Variants in ANK1 observed in about 807,000 individuals in gnomAD.
ANK1 encodes the protein ankyrin-1.
A neutral mutation model predicts 210.4 loss-of-function variants in ANK1; 51 were observed. The observed-to-expected ratio is 0.24, with a 90% confidence interval of 0.19 to 0.31. The LOEUF is 0.31. ANK1 is among the 10% of genes least tolerant of loss of function. The probability of loss-of-function intolerance (pLI) is 1.00; values close to 1 mark genes in which losing one functional copy is unlikely to be tolerated. For missense variants in ANK1, 2,051 were observed against 2,504.4 expected, an observed-to-expected ratio of 0.82 and a Z score of 3.86; for synonymous variants, 967 against 1,025.9, an observed-to-expected ratio of 0.94 and a Z score of 1.10.
intron 36 of ANK1, 110 bp from the exon 37 acceptor site, chr8:41,684,800 A>G: frequency 7.2e-7 from 1 of 1,394,354 alleles, no homozygotes; most frequent in Non-Finnish European, 1.0e-6. Context: ...AATTTTTTTC[A>G]GAAGGTGGAG....
intron 1 of ANK1, among the ~76,000 whole-genome samples, chr8:41,808,601 G>T (rs1029019738): frequency 4.6e-5 from 7 of 152,074 alleles, no homozygotes; most frequent in African/African-American, 1.7e-4. Context: ...GGAGGCGGAG[G>T]TTGCAGTGAG....
Position 41,803,060 on chromosome 8 carries a change from A to AGAAAGGAAGG in ANK1, c.127-44924_127-44923insCCTTCCTTTC, listed in dbSNP as rs1850292566. On this transcript the variant is annotated intron_variant, in intron 1 of 42. Transcript: ENST00000265709. Reference sequence around the variant, plus strand: ...AAGAAAGAGAAAGAAAGAAAGAGAGAAAGGAAGGAAGGAAGGAAGGAAGGG... The same window carrying AGAAAGGAAGG: ...AAGAAAGAGAAAGAAAGAAAGAGAGAGAAAGGAAGGAAGGAAGGAAGGAAGGAAGGAAGGG... 6.8e-5 allele frequency among the ~76,000 whole-genome samples: 4 copies of AGAAAGGAAGG among 59,038 alleles called. 1 individual carries two copies. In the East Asian group the frequency reaches 1.1e-3, roughly 16 times the overall value. The allele number at this position is 59,038 out of a possible 152,430, so 38.7% of individuals were successfully genotyped here. A position where few individuals can be genotyped will look rare whatever the true frequency, so the allele number is the denominator to read the frequency against.
At chr8:41,695,063 C>T (rs1206485446) in intron 27 of ANK1, 114 bp downstream of exon 27, 3 of 1,439,382 alleles carry the variant, frequency 2.1e-6, no homozygotes, top group African/African-American at 2.8e-5. Context: ...AGGCCATTCT[C>T]AGCCTCTTGG....
At position 41,661,492 on chromosome 8, in the gene ANK1, C is replaced by A; in HGVS notation, c.5617G>T (p.Ala1873Ser). ...GRKGAQIVKRASLKRGKQ is the reference protein window; with the variant it reads ...GRKGAQIVKRSSLKRGKQ ...CACTGTTTCCCCCTTTTCAGGCTGG[C>A]CCGCTTCACTATCTGCGCCCCCTTC... Residue 1873 changes from alanine to serine, a missense_variant, in exon 42 of 43, where the codon GCC (alanine) becomes TCC (serine). Coordinates refer to ENST00000289734, the MANE Select transcript of ANK1 (RefSeq NM_000037.4). 6.2e-7 allele frequency: 1 copy of A among 1,614,032 alleles called. No individual in the cohort carries two copies.
At chr8:41,845,813 T>C (rs1025671480) in intron 1 of ANK1, among the ~76,000 whole-genome samples, 3 of 152,164 alleles carry the variant, frequency 2.0e-5, no homozygotes, top group African/African-American at 7.2e-5. Flanking sequence ...GCTACTTCCA[T>C]AAACATACCA....
In ANK1 at chr8:41,725,796, G is replaced by C; in HGVS notation, c.577C>G (p.Leu193Val). 1.2e-6 allele frequency: 2 copies of C among 1,611,548 alleles called. No individual in the cohort carries two copies. The highest frequency in any genetic ancestry group is 1.7e-6 in the Non-Finnish European group (2 of 1,179,774). ...ACGTCCGGGTTGGGGTCGTTCTGCA[G>C]CAGCACCGCAGCCGTGCGCGTGTCG... ...NDDTRTAAVL[L>V]QNDPNPDVLS... Residue 193 changes from leucine to valine, a missense_variant, in exon 6 of 43, where the codon CTG (leucine) becomes GTG (valine). By Grantham distance (32) the Leu-to-Val change is conservative. This residue lies in a region of ANK1 where 1,413 missense variants were observed against 1,707.4 expected (regional missense o/e 0.83). Coordinates refer to ENST00000289734, the MANE Select transcript of ANK1 (RefSeq NM_000037.4).
intron 1 of ANK1, among the ~76,000 whole-genome samples, chr8:41,881,810 C>T (rs922854841): frequency 6.6e-6 from 1 of 152,146 alleles, no homozygotes. Context: ...ACCTGTAAAA[C>T]ACCGTTCCCA....
intron 1 of ANK1, among the ~76,000 whole-genome samples, chr8:41,875,668 G>A (rs1446672979): frequency 1.3e-5 from 2 of 152,162 alleles, no homozygotes; most frequent in Non-Finnish European, 2.9e-5. Context: ...GGGTTAGCCG[G>A]TCCCTCTTCC....
chr8:41,688,437 G>T, intron 34 of ANK1, 74 bp downstream of exon 34: 1 of 1,551,288 alleles, frequency 6.4e-7, no homozygotes, highest in Non-Finnish European at 8.9e-7. Context: ...CCCTCACAGG[G>T]CTGCGGGGAG....
At chr8:41,808,213 A>G (rs1298471294) in intron 1 of ANK1, among the ~76,000 whole-genome samples, 1 of 152,186 alleles carries the variant, frequency 6.6e-6, no homozygotes, top group Non-Finnish European at 1.5e-5. Context: ...CAGACCCACC[A>G]TGCAATTTCT....
intron 18 of ANK1, among the ~76,000 whole-genome samples, chr8:41,705,311 G>T (rs377394935): frequency 2.6e-5 from 4 of 152,294 alleles, no homozygotes; most frequent in African/African-American, 9.6e-5. Context: ...CACAGGACAG[G>T]GTCTCTCTGT....
Position 41,692,886 on chromosome 8 carries a change from A to T in ANK1, c.3630-10T>A. On this transcript the variant is annotated splice_polypyrimidine_tract_variant and intron_variant, in intron 30 of 42. Coordinates refer to ENST00000289734, the MANE Select transcript of ANK1 (RefSeq NM_000037.4). Reference sequence around the variant, plus strand: ...GTCCGACAGCCAAAACCTAAAAAGTAGGGCGAGTTATGTGTTCCCAAGTGC... The same window carrying T: ...GTCCGACAGCCAAAACCTAAAAAGTTGGGCGAGTTATGTGTTCCCAAGTGC... 6.2e-7 allele frequency: 1 copy of T among 1,612,368 alleles called. No homozygotes were observed. The highest frequency in any genetic ancestry group is 1.6e-4 in the Middle Eastern group (1 of 6,062).
At chr8:41,746,860 G>C (rs892784775) in intron 2 of ANK1, among the ~76,000 whole-genome samples, 2 of 138,042 alleles carry the variant, frequency 1.4e-5, no homozygotes, top group African/African-American at 5.4e-5. Flanking sequence ...CGAGATCTTG[G>C]TATTCTTTAA....
At chr8:41,831,907 G>A (rs1806735103) in intron 1 of ANK1, among the ~76,000 whole-genome samples, 1 of 152,204 alleles carries the variant, frequency 6.6e-6, no homozygotes, top group African/African-American at 2.4e-5. Context: ...AAAGCATGCT[G>A]CTACACGGAT....
rs139296654 is a variant in ANK1 at position 41,880,691 on chromosome 8, G to A, written c.126+15664C>T. ...AGAGCACTAATTAGGGCACTGGGAC[G>A]AGGAGCAGTTTGGAATAATCTATCC... On this transcript the variant is annotated intron_variant, in intron 1 of 42. Transcript: ENST00000265709. 2.0e-5 allele frequency among the ~76,000 whole-genome samples: 3 copies of A among 152,374 alleles called. No individual in the cohort carries two copies. The East Asian group carries it at 5.8e-4, about 29-fold the overall frequency.
At position 41,716,914 on chromosome 8, in the gene ANK1, C is replaced by T. The variant is rs61073092; in HGVS notation, c.1404+39G>A. On this transcript the variant is annotated intron_variant, in intron 13 of 42. Transcript: ENST00000289734. ...TTCTCTGCACAGTGCTGGAACTGCT[C>T]ACATCTGAAACCCTTCCCTTCCTGC... The T allele has an allele frequency of 8.1e-3, 12,854 of 1,594,124 alleles. 768 individuals carry two copies. In the African/African-American group the frequency reaches 0.14, roughly 17 times the overall value.
chr8:41,848,425 C>T (rs957980315), intron 1 of ANK1, among the ~76,000 whole-genome samples: 7 of 152,184 alleles, frequency 4.6e-5, no homozygotes, highest in African/African-American at 1.7e-4. Flanking sequence ...GAAGCATTAA[C>T]AGTCACTCAC....
chr8:41,849,647 C>T (rs1474008896), intron 1 of ANK1, among the ~76,000 whole-genome samples: 14 of 152,254 alleles, frequency 9.2e-5, no homozygotes, highest in Non-Finnish European at 1.3e-4. Context: ...CCCACCGCCG[C>T]GCAGGGAAGG....
chr8:41,717,476 G>C (rs371885391), intron 12 of ANK1, 128 bp downstream of exon 12: 4 of 901,576 alleles, frequency 4.4e-6, no homozygotes, highest in East Asian at 2.6e-5. Flanking sequence ...TCCTCCCCCA[G>C]TCTGAAGCAT....
Sources: allele counts gnomAD v4.1 joint callset (sites outside exome capture counted in the v4.1 genomes callset), GRCh38; gene constraint gnomAD v4.1.1; regional missense constraint gnomAD v4.1.1; transcripts MANE v1.5; gene names NCBI Gene and HGNC (gene_info 2026-07-23, HGNC 2026-07-21).